Variants in ZFAND3 observed in about 807,000 individuals in gnomAD.
The protein encoded by ZFAND3 is AN1-type zinc finger protein 3.
In ZFAND3, 10 loss-of-function variants were observed where a neutral mutation model predicts 29.6. The observed-to-expected ratio is 0.34, with a 90% confidence interval of 0.21 to 0.57. ZFAND3 has a LOEUF of 0.57. Ranked by LOEUF, ZFAND3 falls within the 20% of genes least tolerant of loss-of-function variation. ZFAND3 has a pLI of 0.86. For synonymous variants in ZFAND3, 128 were observed against 112.6 expected (o/e 1.14, Z -0.87); for missense variants, 230 against 304.5 (o/e 0.76, Z 1.82).
At chr6:38,117,565 C>T (rs1178475625) in intron 5 of ZFAND3, among the ~76,000 whole-genome samples, 2 of 152,112 alleles carry the variant, frequency 1.3e-5, no homozygotes, top group Admixed American at 6.5e-5. Flanking sequence ...GTTTTTATTT[C>T]CTGGTTTTAA....
intron 2 of ZFAND3, among the ~76,000 whole-genome samples, chr6:37,976,518 A>G (rs1762480472): frequency 7.3e-6 from 1 of 137,838 alleles, no homozygotes; most frequent in Admixed American, 7.9e-5. Flanking sequence ...CCGGAAGTAG[A>G]GGTTGCAGTG....
At chr6:38,115,213 C>T (rs1765393443) in intron 4 of ZFAND3, among the ~76,000 whole-genome samples, 1 of 152,090 alleles carries the variant, frequency 6.6e-6, no homozygotes, top group African/African-American at 2.4e-5. Context: ...GAGATAAGAT[C>T]CCATGTAGAT....
chr6:37,915,462 G>A (rs557308336), intron 1 of ZFAND3: 1 of 152,292 alleles, frequency 6.6e-6, no homozygotes, highest in South Asian at 2.1e-4. Context: ...TCTAGTTTTT[G>A]ATTTGAAGTA....
intron 1 of ZFAND3, among the ~76,000 whole-genome samples, chr6:37,879,441 C>A (rs74324775): frequency 0.13 from 19,812 of 151,422 alleles, 2,111 homozygotes; most frequent in African/African-American, 0.3. Context: ...CTTTATTATT[C>A]TTGATACCCA....
At chr6:38,017,321 T>C (rs1401181204) in intron 2 of ZFAND3, among the ~76,000 whole-genome samples, 1 of 152,136 alleles carries the variant, frequency 6.6e-6, no homozygotes, top group Non-Finnish European at 1.5e-5. Context: ...AAGGAACCCA[T>C]GTGAGGAAGT....
At chr6:37,975,608 G>C (rs1762464439) in intron 2 of ZFAND3, among the ~76,000 whole-genome samples, 1 of 152,076 alleles carries the variant, frequency 6.6e-6, no homozygotes, top group African/African-American at 2.4e-5. Context: ...GTATACATCT[G>C]AGTTTATTAT....
rs1484841176 is a variant in ZFAND3, at chr6:37,820,180, G to C, written c.71+164G>C. 2.0e-5 allele frequency among the ~76,000 whole-genome samples: 3 copies of C among 151,730 alleles called. No homozygotes were observed. In the East Asian group the frequency reaches 5.8e-4, roughly 29 times the overall value. Reference sequence around the variant, plus strand: ...GTCGCGTTCCGGGGAGGGGTGCCGGGTGGGGAGCTGGGGGTGGGCAGAGAA... The same window carrying C: ...GTCGCGTTCCGGGGAGGGGTGCCGGCTGGGGAGCTGGGGGTGGGCAGAGAA... On this transcript the variant is annotated intron_variant, in intron 1 of 5. Coordinates refer to ENST00000287218, the MANE Select transcript of ZFAND3 (RefSeq NM_021943.3).
At chr6:37,850,490 G>A (rs962384023) in intron 1 of ZFAND3, among the ~76,000 whole-genome samples, 6 of 152,116 alleles carry the variant, frequency 3.9e-5, no homozygotes, top group South Asian at 4.1e-4. Context: ...CCACAAATAC[G>A]AAGGTGGTCC....
chr6:38,041,693 CCTT>C (rs1763775503), intron 2 of ZFAND3, among the ~76,000 whole-genome samples: 1 of 18,622 alleles, frequency 5.4e-5, no homozygotes, highest in African/African-American at 2.3e-4. Flanking sequence ...TTCTCCTTCT[CCTT>C]CTCCTCCTCC....
chr6:37,890,886 G>A (rs1391142178), intron 1 of ZFAND3, among the ~76,000 whole-genome samples: 2 of 152,164 alleles, frequency 1.3e-5, no homozygotes, highest in Admixed American at 1.3e-4. Context: ...TATGTTAAAA[G>A]TGACTCTAGC....
chr6:38,047,182 G>A (rs746331055), intron 2 of ZFAND3, among the ~76,000 whole-genome samples: 3 of 151,846 alleles, frequency 2.0e-5, no homozygotes, highest in Non-Finnish European at 4.4e-5. Context: ...CTGAGTGGTG[G>A]CACACACTTG....
chr6:38,132,419 A>G (rs906062753), intron 5 of ZFAND3, among the ~76,000 whole-genome samples: 10 of 152,202 alleles, frequency 6.6e-5, no homozygotes, highest in African/African-American at 2.2e-4. Context: ...AGGGAGAGGA[A>G]TTGCTTGAGC....
chr6:37,844,591 T>G (rs556998022), intron 1 of ZFAND3, among the ~76,000 whole-genome samples: 1 of 152,184 alleles, frequency 6.6e-6, no homozygotes, highest in East Asian at 1.9e-4. Context: ...AGTTTTTTTC[T>G]TTTCTAAGTG....
intron 2 of ZFAND3, among the ~76,000 whole-genome samples, chr6:37,938,250 T>C (rs1761739048): frequency 6.6e-6 from 1 of 152,246 alleles, no homozygotes; most frequent in Non-Finnish European, 1.5e-5. Flanking sequence ...ATTTTAACTA[T>C]AATATTCCAT....
At chr6:38,017,990 C>T (rs1005903077) in intron 2 of ZFAND3, among the ~76,000 whole-genome samples, 2 of 152,088 alleles carry the variant, frequency 1.3e-5, no homozygotes, top group Non-Finnish European at 2.9e-5. Context: ...CTCCTTTTTG[C>T]GGACTTTGAG....
At chr6:38,148,962 CAA>C (rs1466149399) in intron 5 of ZFAND3, among the ~76,000 whole-genome samples, 2 of 152,140 alleles carry the variant, frequency 1.3e-5, no homozygotes, top group Non-Finnish European at 2.9e-5. Context: ...GAGTTTCCCC[CAA>C]AGTTTTCTCC....
chr6:38,012,493 C>T (rs1763174301), intron 2 of ZFAND3, among the ~76,000 whole-genome samples: 1 of 151,698 alleles, frequency 6.6e-6, no homozygotes, highest in African/African-American at 2.4e-5. Context: ...ATTCTTCTGC[C>T]TCAGCTTCCC....
At chr6:37,831,401 G>T (rs1445920803) in intron 1 of ZFAND3, among the ~76,000 whole-genome samples, 1 of 152,256 alleles carries the variant, frequency 6.6e-6, no homozygotes, top group Admixed American at 6.5e-5. Flanking sequence ...TCCAGAGCCA[G>T]TCCTTTTTCC....
chr6:37,991,704 G>A (rs1762761500), intron 2 of ZFAND3, among the ~76,000 whole-genome samples: 1 of 152,154 alleles, frequency 6.6e-6, no homozygotes, highest in East Asian at 1.9e-4. Flanking sequence ...GGCTTGTGGT[G>A]TACTTTTGTC....
Sources: gnomAD v4.1 joint callset for allele counts (sites outside exome capture counted in the v4.1 genomes callset) on GRCh38, gnomAD v4.1.1 for gene constraint, MANE v1.5 for transcripts, NCBI Gene and HGNC (gene_info 2026-07-23, HGNC 2026-07-21) for gene names.